Variants in SAMMSON observed in about 807,000 individuals in gnomAD.
SAMMSON encodes long intergenic non-protein coding RNA 1212.
intron 5 of SAMMSON, among the ~76,000 whole-genome samples, chr3:70,249,434 C>T (rs964267497): frequency 2.6e-5 from 4 of 152,136 alleles, no homozygotes; most frequent in Non-Finnish European, 4.4e-5. Flanking sequence ...ACTACCATTG[C>T]TGTGACCTCT....
intron 3 of SAMMSON, among the ~76,000 whole-genome samples, chr3:70,023,900 C>A (rs2067026261): frequency 6.6e-6 from 1 of 152,196 alleles, no homozygotes; most frequent in Admixed American, 6.5e-5. Context: ...CCATTTCTGT[C>A]TCTGTCCTTC....
intron 3 of SAMMSON, among the ~76,000 whole-genome samples, chr3:70,052,740 T>C (rs2067151081): frequency 1.3e-5 from 2 of 152,208 alleles, no homozygotes; most frequent in Middle Eastern, 3.4e-3. Flanking sequence ...GTAGGACGTG[T>C]AGCACCTGTG....
chr3:70,139,529 G>A (rs1353550182), intron 4 of SAMMSON, among the ~76,000 whole-genome samples: 3 of 152,138 alleles, frequency 2.0e-5, no homozygotes, highest in African/African-American at 4.8e-5. Flanking sequence ...CCCTCTGTCT[G>A]GGTCCTGTGG....
At chr3:70,319,552 G>T (rs116255157) in intron 7 of SAMMSON, among the ~76,000 whole-genome samples, 4,496 of 152,014 alleles carry the variant, frequency 0.03, 110 homozygotes, top group South Asian at 0.079. Flanking sequence ...CTCCTGTGAC[G>T]GGCAGACACA....
intron 3 of SAMMSON, among the ~76,000 whole-genome samples, chr3:70,016,119 G>T (rs948539928): frequency 1.3e-5 from 2 of 152,180 alleles, no homozygotes; most frequent in African/African-American, 2.4e-5. Flanking sequence ...TCTAGTTCTA[G>T]ATCCCTGAGG....
At chr3:70,227,031 C>T (rs556361457) in intron 4 of SAMMSON, among the ~76,000 whole-genome samples, 1 of 152,072 alleles carries the variant, frequency 6.6e-6, no homozygotes, top group Non-Finnish European at 1.5e-5. Flanking sequence ...GCATCTTTTT[C>T]CTGGGAAAAT....
intron 2 of SAMMSON, among the ~76,000 whole-genome samples, chr3:70,403,126 T>C (rs959091365): frequency 2.6e-5 from 4 of 152,182 alleles, no homozygotes; most frequent in Non-Finnish European, 4.4e-5. Context: ...GTGGATAACA[T>C]TATTATTTTG....
intron 7 of SAMMSON, among the ~76,000 whole-genome samples, chr3:70,337,177 T>TTTA (rs1702671444): frequency 7.9e-6 from 1 of 126,220 alleles, no homozygotes; most frequent in Admixed American, 8.0e-5. Context: ...TAATATAATA[T>TTTA]TAATAATATG....
chr3:70,170,579 CTTTTTTTTTTTT>C (rs538385626), intron 4 of SAMMSON, among the ~76,000 whole-genome samples: 2 of 105,496 alleles, frequency 1.9e-5, no homozygotes, highest in African/African-American at 3.6e-5. Context: ...CTAGATTTTC[CTTTTTTTTTTTT>C]TTTTTTTTTT....
At chr3:70,126,458 G>T in intron 4 of SAMMSON, 2 of 669,744 alleles carry the variant, frequency 3.0e-6, no homozygotes, top group South Asian at 3.2e-5. Context: ...CACCAACCGT[G>T]CCTTGAAGTA....
intron 4 of SAMMSON, among the ~76,000 whole-genome samples, chr3:70,199,261 T>A (rs1701211322): frequency 6.6e-6 from 1 of 152,190 alleles, no homozygotes; most frequent in South Asian, 2.1e-4. Flanking sequence ...TAAAGTGGTC[T>A]TATAATTTCC....
At chr3:70,394,972 A>G (rs1472083170) in intron 2 of SAMMSON, among the ~76,000 whole-genome samples, 1 of 152,208 alleles carries the variant, frequency 6.6e-6, no homozygotes, top group Admixed American at 6.5e-5. Flanking sequence ...ATCATGCATT[A>G]AAATATTTTT....
chr3:70,067,322 A>G (rs1013750611), intron 3 of SAMMSON, among the ~76,000 whole-genome samples: 1 of 152,132 alleles, frequency 6.6e-6, no homozygotes, highest in Non-Finnish European at 1.5e-5. Flanking sequence ...ATATGAATCT[A>G]AAAGTGTATT....
At chr3:70,303,020 C>A (rs1702365528) in intron 7 of SAMMSON, among the ~76,000 whole-genome samples, 2 of 152,126 alleles carry the variant, frequency 1.3e-5, no homozygotes, top group Admixed American at 1.3e-4. Flanking sequence ...TTAAAGTTAT[C>A]AGAGAATCAA....
intron 4 of SAMMSON, among the ~76,000 whole-genome samples, chr3:70,215,099 A>G (rs1415697930): frequency 1.3e-5 from 2 of 152,118 alleles, no homozygotes; most frequent in Admixed American, 6.6e-5. Flanking sequence ...AACCATCACA[A>G]TTTATTCATC....
At chr3:70,397,661 T>G (rs998953179) in intron 2 of SAMMSON, among the ~76,000 whole-genome samples, 11 of 152,242 alleles carry the variant, frequency 7.2e-5, no homozygotes, top group African/African-American at 2.6e-4. Context: ...CATTTTTATT[T>G]CATCTAATTT....
intron 4 of SAMMSON, among the ~76,000 whole-genome samples, chr3:70,114,167 T>C (rs2067400667): frequency 6.6e-6 from 1 of 152,200 alleles, no homozygotes; most frequent in Non-Finnish European, 1.5e-5. Context: ...AGTTTGACCT[T>C]GAGTAGCCTC....
intron 7 of SAMMSON, among the ~76,000 whole-genome samples, chr3:70,319,307 C>T (rs1487553595): frequency 1.3e-5 from 2 of 152,038 alleles, no homozygotes; most frequent in Non-Finnish European, 2.9e-5. Flanking sequence ...AGAGCTGGAG[C>T]AAACATGTAG....
chr3:70,378,576 TA>T (rs1703039543), intron 9 of SAMMSON, among the ~76,000 whole-genome samples: 1 of 152,146 alleles, frequency 6.6e-6, no homozygotes, highest in Non-Finnish European at 1.5e-5. Flanking sequence ...TTGTTATATA[TA>T]AACTATAGAA....
Sources: allele counts gnomAD v4.1 joint callset (sites outside exome capture counted in the v4.1 genomes callset), GRCh38; gene constraint gnomAD v4.1.1; transcripts MANE v1.5; gene names NCBI Gene and HGNC (gene_info 2026-07-23, HGNC 2026-07-21).